The following KLHL1 variants were observed in gnomAD, a reference collection of about 807,000 sequenced individuals.
KLHL1 encodes the protein kelch-like protein 1.
In KLHL1, 47 loss-of-function variants were observed where a neutral mutation model predicts 77.7. That is an observed-to-expected ratio of 0.60 (90% confidence interval 0.48 to 0.77). KLHL1 has a LOEUF of 0.77. Ranked by LOEUF, KLHL1 falls within the 30% of genes least tolerant of loss-of-function variation. The probability of loss-of-function intolerance (pLI) is 0.00; values close to 1 mark genes in which losing one functional copy is unlikely to be tolerated. For synonymous variants in KLHL1, 360 were observed against 325.2 expected (o/e 1.11, Z -1.15); for missense variants, 925 against 910.8 (o/e 1.02, Z -0.20).
intron 1 of KLHL1, among the ~76,000 whole-genome samples, chr13:70,002,129 T>C (rs1168068390): frequency 1.3e-5 from 2 of 151,564 alleles, no homozygotes; most frequent in Non-Finnish European, 3.0e-5. Flanking sequence ...ACATACTCCT[T>C]ATGCATTACT....
chr13:69,961,238 T>G (rs1593990048), intron 3 of KLHL1, 70 bp downstream of exon 3: 1 of 1,451,918 alleles, frequency 6.9e-7, no homozygotes, highest in East Asian at 2.3e-5. Flanking sequence ...AAGCGTTAAA[T>G]CCTGTACTTA....
rs902658626 is a variant in KLHL1 at position 70,068,856 on chromosome 13, G to A, written c.497+38347C>T. On this transcript the variant is annotated intron_variant, in intron 1 of 10. Coordinates refer to ENST00000377844, the MANE Select transcript of KLHL1 (RefSeq NM_020866.3). The stretch of plus-strand genomic sequence containing the variant: ...AATGTCTTAGGGGCTCAGTCTCGTC[G>A]TGGGGGAGGAGGCACACTTTCCTGA... 3.3e-5 allele frequency among the ~76,000 whole-genome samples: 5 copies of A among 152,212 alleles called. No homozygotes were observed. In the East Asian group the frequency reaches 5.8e-4, roughly 18 times the overall value.
intron 4 of KLHL1, among the ~76,000 whole-genome samples, chr13:69,899,299 G>A (rs1881770825): frequency 6.6e-6 from 1 of 152,138 alleles, no homozygotes; most frequent in South Asian, 2.1e-4. Flanking sequence ...AATATGATGT[G>A]CAAATCAGTT....
Position 69,820,655 on chromosome 13 carries a change from C to T in KLHL1, c.1414+18321G>A, listed in dbSNP as rs150887492. On this transcript the variant is annotated intron_variant, in intron 6 of 10. Transcript: ENST00000377844. ...TGAGAATTGCCTCTGGAGATTCAAC[C>T]TCATCCTTTACTCCCACTACAGGGA... Among the ~76,000 whole-genome samples, 813 of 152,282 alleles carry T rather than the reference C, an allele frequency of 5.3e-3. 10 individuals are homozygous for T. Among genetic ancestry groups the T allele is most frequent in the African/African-American group, 0.018 (748 of 41,556 alleles).
chr13:69,979,175 A>T (rs966335308), intron 1 of KLHL1, among the ~76,000 whole-genome samples: 5 of 145,690 alleles, frequency 3.4e-5, no homozygotes, highest in East Asian at 4.0e-4. Context: ...GCTCAAAAAA[A>T]AAATAAATAA....
intron 6 of KLHL1, among the ~76,000 whole-genome samples, chr13:69,804,310 G>C (rs73212512): frequency 2.0e-4 from 30 of 151,584 alleles, no homozygotes; most frequent in Non-Finnish European, 4.0e-4. Flanking sequence ...TTTTTTGTGG[G>C]GGGGGGAAAT....
chr13:69,817,423 A>C (rs947596027), intron 6 of KLHL1, among the ~76,000 whole-genome samples: 2 of 152,026 alleles, frequency 1.3e-5, no homozygotes, highest in African/African-American at 4.8e-5. Context: ...TTCCTTTTTC[A>C]TAAATGAGCA....
intron 6 of KLHL1, among the ~76,000 whole-genome samples, chr13:69,798,412 C>T (rs1216264777): frequency 6.6e-6 from 1 of 152,062 alleles, no homozygotes; most frequent in Non-Finnish European, 1.5e-5. Flanking sequence ...TCAATTTTTA[C>T]TTAAAGGTAA....
intron 4 of KLHL1, among the ~76,000 whole-genome samples, chr13:69,895,298 T>C (rs1881590400): frequency 6.6e-6 from 1 of 152,102 alleles, no homozygotes; most frequent in African/African-American, 2.4e-5. Context: ...TCACACTTCT[T>C]TTCTTGTTTG....
intron 6 of KLHL1, among the ~76,000 whole-genome samples, chr13:69,832,003 G>T (rs1878781477): frequency 6.7e-6 from 1 of 150,002 alleles, no homozygotes; most frequent in African/African-American, 2.5e-5. Flanking sequence ...TACTGGATGA[G>T]GAAAAGTTGA....
intron 5 of KLHL1, among the ~76,000 whole-genome samples, chr13:69,879,194 T>TA (rs1880885866): frequency 6.6e-6 from 1 of 152,094 alleles, no homozygotes; most frequent in Admixed American, 6.5e-5. Flanking sequence ...CCCTAGAACT[T>TA]AAAGTATAAT....
chr13:69,763,986 A>G (rs1875146856), intron 7 of KLHL1, among the ~76,000 whole-genome samples: 1 of 152,042 alleles, frequency 6.6e-6, no homozygotes, highest in Non-Finnish European at 1.5e-5. Context: ...GCTCTGCTCT[A>G]TTGCCTAGTG....
At chr13:69,969,880 C>T (rs921074813) in intron 2 of KLHL1, among the ~76,000 whole-genome samples, 7 of 152,146 alleles carry the variant, frequency 4.6e-5, no homozygotes, top group Non-Finnish European at 1.0e-4. Flanking sequence ...CATGCAACCA[C>T]ACTAGAAAAT....
chr13:69,735,357 C>A lies in KLHL1; in HGVS notation c.1802+5037G>T, dbSNP rs1391442900. Among the ~76,000 whole-genome samples, 5 of 150,922 alleles carry A rather than the reference C, an allele frequency of 3.3e-5. No homozygotes were observed. The East Asian group carries it at 7.9e-4, about 24-fold the overall frequency. ...TATCACTACTATTTAGGTAATCATT[C>A]TAAAAATATAAACAACACAATAAAA... On this transcript the variant is annotated intron_variant, in intron 8 of 10. Coordinates refer to ENST00000377844, the MANE Select transcript of KLHL1 (RefSeq NM_020866.3).
chr13:69,900,486 A>G (rs1881816028), intron 4 of KLHL1, among the ~76,000 whole-genome samples: 1 of 152,158 alleles, frequency 6.6e-6, no homozygotes, highest in African/African-American at 2.4e-5. Flanking sequence ...GTTTTTCACC[A>G]TTGTTCCCAG....
At chr13:69,782,023 T>C (rs542127707) in intron 7 of KLHL1, among the ~76,000 whole-genome samples, 17 of 152,318 alleles carry the variant, frequency 1.1e-4, no homozygotes, top group African/African-American at 4.1e-4. Context: ...TTTCTTACAA[T>C]TTTCTTTTCT....
intron 7 of KLHL1, among the ~76,000 whole-genome samples, chr13:69,784,658 A>AAAT (rs1876414969): frequency 6.6e-6 from 1 of 151,498 alleles, no homozygotes; most frequent in East Asian, 1.9e-4. Context: ...ATATGCACCC[A>AAAT]ATACAGGAGC....
chr13:70,057,782 CAAAAAAAAA>C (rs60920874), intron 1 of KLHL1, among the ~76,000 whole-genome samples: 1 of 62,272 alleles, frequency 1.6e-5, no homozygotes, highest in African/African-American at 6.9e-5. Context: ...GACTCCGTCT[CAAAAAAAAA>C]AAAAAAAAAA....
At chr13:69,963,292 A>G (rs1356187105) in intron 2 of KLHL1, among the ~76,000 whole-genome samples, 1 of 152,114 alleles carries the variant, frequency 6.6e-6, no homozygotes, top group Non-Finnish European at 1.5e-5. Context: ...GTACCAATTT[A>G]TATTTGTTTT....
Sources: gnomAD v4.1 joint callset for allele counts (sites outside exome capture counted in the v4.1 genomes callset) on GRCh38, gnomAD v4.1.1 for gene constraint, MANE v1.5 for transcripts, NCBI Gene and HGNC (gene_info 2026-07-23, HGNC 2026-07-21) for gene names.